CA10: variants seen among roughly 807,000 people sequenced by gnomAD.
CA10 encodes the protein carbonic anhydrase-related protein 10.
A neutral mutation model predicts 44.2 loss-of-function variants in CA10; 14 were observed. The observed-to-expected ratio is 0.32, with a 90% CI of 0.21 to 0.50. The LOEUF is 0.50. CA10 is among the 20% of genes least tolerant of loss of function. The pLI, the probability that CA10 is intolerant of heterozygous loss-of-function variation, is 0.99. For missense variants in CA10, 350 were observed against 409.7 expected (o/e 0.85, Z 1.26); for synonymous variants, 159 against 141.6 (o/e 1.12, Z -0.87).
chr17:51,637,933 T>C (rs1912906537), intron 6 of CA10, among the ~76,000 whole-genome samples: 2 of 152,230 alleles, frequency 1.3e-5, no homozygotes, highest in Non-Finnish European at 2.9e-5. Context: ...TTATTCTAGT[T>C]GGAGAGATAG....
intron 1 of CA10, among the ~76,000 whole-genome samples, chr17:52,147,132 A>C (rs1989605649): frequency 6.6e-6 from 1 of 152,246 alleles, no homozygotes; most frequent in Non-Finnish European, 1.5e-5. Flanking sequence ...TTCTTTTTAC[A>C]GTACAAATTG....
At chr17:51,683,297 C>T (rs368431850) in intron 4 of CA10, among the ~76,000 whole-genome samples, 20 of 152,064 alleles carry the variant, frequency 1.3e-4, no homozygotes, top group African/African-American at 3.9e-4. Flanking sequence ...AGGACATGAC[C>T]GCTGTAACTG....
chr17:51,962,337 A>G (rs1161168934), intron 2 of CA10, among the ~76,000 whole-genome samples: 1 of 152,056 alleles, frequency 6.6e-6, no homozygotes, highest in Admixed American at 6.6e-5. Flanking sequence ...CCCTTCACTC[A>G]TTTCTTCCTT....
At chr17:51,819,613 A>G (rs1907687962) in intron 3 of CA10, among the ~76,000 whole-genome samples, 1 of 152,196 alleles carries the variant, frequency 6.6e-6, no homozygotes, top group African/African-American at 2.4e-5. Flanking sequence ...TCACCTTCTG[A>G]AGTCACCTAG....
intron 1 of CA10, among the ~76,000 whole-genome samples, chr17:52,075,022 G>A (rs1313904258): frequency 6.6e-6 from 1 of 152,164 alleles, no homozygotes; most frequent in Non-Finnish European, 1.5e-5. Flanking sequence ...CAATGGCAGA[G>A]TGGAATAGTT....
intron 2 of CA10, among the ~76,000 whole-genome samples, chr17:51,957,296 T>G (rs1432086677): frequency 6.6e-6 from 1 of 152,200 alleles, no homozygotes; most frequent in Non-Finnish European, 1.5e-5. Context: ...TACTGAAACA[T>G]TTACATTTAT....
intron 3 of CA10, among the ~76,000 whole-genome samples, chr17:51,775,907 G>C (rs1256731067): frequency 6.6e-6 from 1 of 152,188 alleles, no homozygotes; most frequent in African/African-American, 2.4e-5. Context: ...CAGAGAAACA[G>C]AAGGGGAATG....
rs2143606255 is a variant in CA10, at chr17:51,747,756, C to G, written c.342G>C (p.Leu114Phe). 1 of 1,614,160 alleles carries G rather than the reference C, an allele frequency of 6.2e-7. No homozygotes were observed. The highest frequency in any genetic ancestry group is 8.5e-7 in the Non-Finnish European group (1 of 1,179,992). ...TCATGGGCCCTCCAGATATGTTGAC[C>G]AAGTGCTCCTTGTCCAGGCGAAGGG... ...HVSLRLDKEH[L>F]VNISGGPMTY... Residue 114 changes from leucine (L) to phenylalanine (F), a missense_variant, in exon 4 of 9, where the codon TTG (leucine) becomes TTC (phenylalanine). Physicochemically the swap from Leu to Phe is conservative, Grantham distance 22. Coordinates refer to ENST00000451037, the MANE Select transcript of CA10 (RefSeq NM_020178.5).
At chr17:52,025,103 G>A (rs780324816) in intron 2 of CA10, among the ~76,000 whole-genome samples, 11 of 151,884 alleles carry the variant, frequency 7.2e-5, no homozygotes, top group Non-Finnish European at 1.6e-4. Flanking sequence ...GGAAAAAAAT[G>A]TCTTAAATAT....
intron 3 of CA10, among the ~76,000 whole-genome samples, chr17:51,877,967 A>G (rs1284723327): frequency 1.3e-5 from 2 of 151,672 alleles, no homozygotes; most frequent in African/African-American, 4.8e-5. Flanking sequence ...ACATGGTGAA[A>G]CCCCAACTCT....
intron 4 of CA10, among the ~76,000 whole-genome samples, chr17:51,704,752 C>T (rs1026486961): frequency 2.0e-5 from 3 of 152,102 alleles, no homozygotes; most frequent in African/African-American, 7.2e-5. Context: ...CACCTAAGGT[C>T]AGGAGTTCAA....
At chr17:51,725,863 C>A (rs1275988042) in intron 4 of CA10, among the ~76,000 whole-genome samples, 1 of 152,074 alleles carries the variant, frequency 6.6e-6, no homozygotes, top group Non-Finnish European at 1.5e-5. Context: ...ACACTGTGTT[C>A]TAAGCGAGAC....
At chr17:51,830,491 T>C (rs554194827) in intron 3 of CA10, among the ~76,000 whole-genome samples, 15 of 152,282 alleles carry the variant, frequency 9.9e-5, no homozygotes, top group African/African-American at 3.4e-4. Context: ...TGTTTTGTAG[T>C]TTCTATTGTT....
intron 3 of CA10, among the ~76,000 whole-genome samples, chr17:51,930,418 G>C (rs1032317639): frequency 9.2e-5 from 14 of 152,094 alleles, no homozygotes; most frequent in African/African-American, 3.4e-4. Context: ...AGCTCGTTAT[G>C]GGGGGAGGAG....
chr17:51,845,528 T>C (rs1978454667), intron 3 of CA10, among the ~76,000 whole-genome samples: 1 of 152,222 alleles, frequency 6.6e-6, no homozygotes, highest in Non-Finnish European at 1.5e-5. Context: ...AACTAAATAT[T>C]GTTTTAAACC....
At chr17:51,861,178 G>A (rs752096677) in intron 3 of CA10, among the ~76,000 whole-genome samples, 1 of 152,086 alleles carries the variant, frequency 6.6e-6, no homozygotes, top group East Asian at 1.9e-4. Flanking sequence ...CAGAGGACAC[G>A]GGAGAGATCT....
At chr17:51,729,728 G>A (rs546438293) in intron 4 of CA10, among the ~76,000 whole-genome samples, 1 of 152,302 alleles carries the variant, frequency 6.6e-6, no homozygotes, top group African/African-American at 2.4e-5. Context: ...GCTGGCATGA[G>A]TTATATGATA....
At chr17:51,790,877 ATC>A (rs1000588899) in intron 3 of CA10, among the ~76,000 whole-genome samples, 9 of 152,186 alleles carry the variant, frequency 5.9e-5, no homozygotes, top group Non-Finnish European at 7.4e-5. Flanking sequence ...CTTCAATATT[ATC>A]TCTGTTTTGG....
chr17:51,886,810 CTGTT>C (rs1326881155), intron 3 of CA10, among the ~76,000 whole-genome samples: 2 of 152,180 alleles, frequency 1.3e-5, no homozygotes. Flanking sequence ...AATTTGTTCT[CTGTT>C]TGAGCTTGGA....
Sources: allele counts gnomAD v4.1 joint callset (sites outside exome capture counted in the v4.1 genomes callset), GRCh38; gene constraint gnomAD v4.1.1; transcripts MANE v1.5; gene names NCBI Gene and HGNC (gene_info 2026-07-23, HGNC 2026-07-21).